Variants in CYREN observed in about 807,000 individuals in gnomAD.
CYREN encodes cell cycle regulator of NHEJ.
A neutral mutation model predicts 9.7 loss-of-function variants in CYREN; 7 were observed. The observed-to-expected ratio is 0.72, with a 90% CI of 0.41 to 1.36. CYREN has a LOEUF of 1.36. CYREN is among the 40% of genes most tolerant of loss of function. The probability of loss-of-function intolerance (pLI) is 0.01; values close to 1 mark genes in which losing one functional copy is unlikely to be tolerated. For missense variants in CYREN, 215 were observed against 198.1 expected, an observed-to-expected ratio of 1.09 and a Z score of -0.51; for synonymous variants, 76 against 77.9, an observed-to-expected ratio of 0.98 and a Z score of 0.13.
intron 2 of CYREN, among the ~76,000 whole-genome samples, chr7:135,110,856 C>T (rs1825538840): frequency 1.3e-5 from 2 of 152,224 alleles, no homozygotes; most frequent in Non-Finnish European, 1.5e-5. Context: ...CAATGCTGAA[C>T]AACTGCAATT....
chr7:135,148,286 G>A (rs1448449699), intron 2 of CYREN: 1 of 357,320 alleles, frequency 2.8e-6, no homozygotes, highest in Non-Finnish European at 5.5e-6. Flanking sequence ...TACCGATCCT[G>A]CAAGCATCAC....
chr7:135,167,004 T>A, intron 3 of CYREN, 133 bp from the exon 4 acceptor site: 1 of 1,483,776 alleles, frequency 6.7e-7, no homozygotes, highest in Non-Finnish European at 8.9e-7. Flanking sequence ...TGTACCCATA[T>A]CCTGAGCACC....
At position 135,109,535 on chromosome 7, in the gene CYREN, G is replaced by A. The variant is rs573273375; in HGVS notation, n.357-14953C>T. Among the ~76,000 whole-genome samples the A allele has an allele frequency of 3.3e-5, 5 of 152,252 alleles. No individual in the cohort carries two copies. In the South Asian group the frequency reaches 1.0e-3, roughly 32 times the overall value. On this transcript the variant is annotated intron_variant and non_coding_transcript_variant, in intron 2 of 2. Coordinates refer to the CYREN transcript ENST00000459937. ...TGCTGGGGGTCTGCTCCAGTCCCTT[G>A]TCACCTCGGATTTTTCAGCACCTGA...
chr7:135,155,888 T>G (rs1193320505), intron 2 of CYREN, among the ~76,000 whole-genome samples: 1 of 152,210 alleles, frequency 6.6e-6, no homozygotes, highest in Non-Finnish European at 1.5e-5. Context: ...ATTTCAGTGT[T>G]TAAGATCCTT....
At position 135,169,069 on chromosome 7, in the gene CYREN, A is replaced by G; in HGVS notation, c.-138-9T>C. 1 of 763,870 alleles carries G rather than the reference A, an allele frequency of 1.3e-6. No homozygotes were observed. Among genetic ancestry groups the G allele is most frequent in the Non-Finnish European group, 2.0e-6 (1 of 488,690 alleles). 47.3% of individuals were successfully genotyped at this position (763,870 alleles called of 1,614,324 possible). A position where few individuals can be genotyped will look rare whatever the true frequency, so the allele number is the denominator to read the frequency against. ...GAGTTGATCTTTGATTCCTACAAAGAACAATAAAGTCCGGTGAATTCCCAT... is the reference window on the plus strand; with the variant it reads ...GAGTTGATCTTTGATTCCTACAAAGGACAATAAAGTCCGGTGAATTCCCAT... On this transcript the variant is annotated splice_polypyrimidine_tract_variant and intron_variant, in intron 1 of 3. Transcript: ENST00000393114.
chr7:135,151,478 G>A lies in CYREN; in HGVS notation n.356+17271C>T, dbSNP rs1184714736. 1.3e-5 allele frequency among the ~76,000 whole-genome samples: 2 copies of A among 152,136 alleles called. No individual in the cohort carries two copies. Among genetic ancestry groups the A allele is most frequent in the African/African-American group, 4.8e-5 (2 of 41,420 alleles). The stretch of plus-strand genomic sequence containing the variant: ...AACCTGCGCCCTTGTTCTATGCCCT[G>A]GCAAGCTCTGTTGCCCCGGCTTTAT... On this transcript the variant is annotated intron_variant and non_coding_transcript_variant, in intron 2 of 2. Coordinates refer to the CYREN transcript ENST00000459937. This position sits in a 1 kb window ranked among gnomAD's most constrained non-coding sequence, Gnocchi z 4.3.
chr7:135,094,316 A>C, exon 3 of CYREN: 1 of 453,012 alleles, frequency 2.2e-6, no homozygotes, highest in South Asian at 1.6e-5. Flanking sequence ...TGACAAGTAA[A>C]CTACTACCCT....
At chr7:135,105,999 T>C (rs1289524226) in intron 2 of CYREN, among the ~76,000 whole-genome samples, 1 of 152,200 alleles carries the variant, frequency 6.6e-6, no homozygotes, top group Admixed American at 6.5e-5. Context: ...CTTGTGGCTA[T>C]TATGAATGGG....
At chr7:135,130,668 C>G (rs558934191) in intron 2 of CYREN, among the ~76,000 whole-genome samples, 1 of 151,966 alleles carries the variant, frequency 6.6e-6, no homozygotes, top group Non-Finnish European at 1.5e-5. Flanking sequence ...CTTGAATTAT[C>G]TGCATTTACC....
At chr7:135,165,713 C>T (rs1647818), downstream of CYREN, 156,464 of 167,064 alleles carry the variant, frequency 0.94, 74,094 homozygotes, top group Non-Finnish European at 1. Flanking sequence ...GACTGGACGG[C>T]TGCACACAAA....
chr7:135,146,205 G>T (rs569805778), intron 2 of CYREN, among the ~76,000 whole-genome samples: 2 of 152,162 alleles, frequency 1.3e-5, no homozygotes, highest in African/African-American at 4.8e-5. Flanking sequence ...ATGGAGGAAC[G>T]TCCAGTTGGT....
At chr7:135,126,926 A>G (rs1308925857) in intron 2 of CYREN, among the ~76,000 whole-genome samples, 1 of 152,184 alleles carries the variant, frequency 6.6e-6, no homozygotes, top group East Asian at 1.9e-4. Flanking sequence ...CCAGAAGAAA[A>G]CCTAGGCAAT....
At chr7:135,126,844 C>G (rs1459425568) in intron 2 of CYREN, among the ~76,000 whole-genome samples, 2 of 152,160 alleles carry the variant, frequency 1.3e-5, no homozygotes, top group African/African-American at 2.4e-5. Flanking sequence ...GGACCCCTTC[C>G]TTACACCTTA....
At position 135,115,576 on chromosome 7, in the gene CYREN, A is replaced by G. The variant is rs556838766; in HGVS notation, n.357-20994T>C. ...TGCAAACCACTCAGATAAAACAGCT[A>G]TTCAATCCAAGAACCAACTTCCAAA... On this transcript the variant is annotated intron_variant and non_coding_transcript_variant, in intron 2 of 2. Transcript: ENST00000459937. The G allele has an allele frequency of 4.6e-5, 72 of 1,551,014 alleles. No homozygotes were observed. In the African/African-American group the frequency reaches 7.9e-4, roughly 17 times the overall value.
At chr7:135,100,986 A>G (rs970857876) in intron 2 of CYREN, among the ~76,000 whole-genome samples, 1 of 152,226 alleles carries the variant, frequency 6.6e-6, no homozygotes, top group South Asian at 2.1e-4. Context: ...GCATACCCTG[A>G]GGTGTAATAT....
At chr7:135,129,500 A>G in intron 2 of CYREN, 1 of 772,736 alleles carries the variant, frequency 1.3e-6, no homozygotes, top group Non-Finnish European at 2.4e-6. Context: ...GAACTCCCAT[A>G]GAGAAATTAG....
intron 2 of CYREN, chr7:135,094,646 G>T (rs987448613): frequency 1.3e-4 from 55 of 411,440 alleles, no homozygotes; most frequent in African/African-American, 1.1e-3. Flanking sequence ...CGTAACAAGG[G>T]CCTACTCTCT....
chr7:135,169,662 C>G (rs1830504541), intron 1 of CYREN: 1 of 152,296 alleles, frequency 6.6e-6, no homozygotes, highest in African/African-American at 2.4e-5. Flanking sequence ...AGTTTGGCCT[C>G]TCTTTTCCCT....
chr7:135,115,558 C>T (rs1826204088), intron 2 of CYREN: 20 of 1,551,230 alleles, frequency 1.3e-5, no homozygotes, highest in Middle Eastern at 3.3e-4. Flanking sequence ...ACATGCAAAC[C>T]ACTCAGATAA....
Sources: allele counts gnomAD v4.1 joint callset (sites outside exome capture counted in the v4.1 genomes callset), GRCh38; gene constraint gnomAD v4.1.1; non-coding constraint Gnocchi (gnomAD v3.1); transcripts MANE v1.5; gene names NCBI Gene and HGNC (gene_info 2026-07-23, HGNC 2026-07-21).